The following PTPRH variants were observed in gnomAD, a reference collection of about 807,000 sequenced individuals.
PTPRH encodes protein tyrosine phosphatase receptor type H, also known as receptor-type tyrosine-protein phosphatase H.
A neutral mutation model predicts 130.2 loss-of-function variants in PTPRH; 113 were observed. The observed-to-expected ratio is 0.87, with a 90% CI of 0.75 to 1.01. PTPRH has a LOEUF of 1.01. PTPRH is among the 50% of genes least tolerant of loss of function. The probability of loss-of-function intolerance (pLI) is 0.00; values close to 1 mark genes in which losing one functional copy is unlikely to be tolerated. For missense variants in PTPRH, 1,430 were observed against 1,425.0 expected, an observed-to-expected ratio of 1.00 and a Z score of -0.06; for synonymous variants, 556 against 577.9, an observed-to-expected ratio of 0.96 and a Z score of 0.54.
intron 12 of PTPRH, 81 bp from the exon 13 acceptor site, chr19:55,188,249 A>G: frequency 8.7e-7 from 1 of 1,152,336 alleles, no homozygotes; most frequent in Non-Finnish European, 1.3e-6. Flanking sequence ...ATGGTGGCTC[A>G]CGCCTGTAAT....
intron 18 of PTPRH, among the ~76,000 whole-genome samples, chr19:55,183,276 C>G (rs1267488393): frequency 6.7e-6 from 1 of 149,062 alleles, no homozygotes; most frequent in African/African-American, 2.5e-5. Context: ...TGGTGGCGGG[C>G]GCCTGTAGTC....
In PTPRH at chr19:55,197,033, A is replaced by G. The variant is rs1600041192; in HGVS notation, c.1990+84T>C. 8 of 1,507,036 alleles carry G rather than the reference A, an allele frequency of 5.3e-6. No homozygotes were observed. The East Asian group carries it at 1.9e-4, about 35-fold the overall frequency. 93.4% of individuals were successfully genotyped at this position (1,507,036 alleles called of 1,614,324 possible). On this transcript the variant is annotated intron_variant, in intron 9 of 19. Coordinates refer to ENST00000376350, the MANE Select transcript of PTPRH (RefSeq NM_002842.5). ...AAGTCATGGCCTGTGGCCTGATGGA[A>G]TTTGTATTCCATTCATCTCTCAGCT...
Position 55,194,046 on chromosome 19 carries a change from C to T in PTPRH, c.2258-2305G>A, listed in dbSNP as rs539872425. The stretch of plus-strand genomic sequence containing the variant: ...TGTATTTTTAGTAGAGACAGGGTTT[C>T]TCCATGTTCGTCAGGCTGGTCTCGA... On this transcript the variant is annotated intron_variant, in intron 10 of 19. Transcript: ENST00000376350. 8 of 669,022 alleles carry T rather than the reference C, an allele frequency of 1.2e-5. No individual in the cohort carries two copies. The South Asian group carries it at 1.4e-4, about 12-fold the overall frequency. 41.4% of individuals were successfully genotyped at this position (669,022 alleles called of 1,614,324 possible).
chr19:55,203,686 T>C (rs574402212), intron 5 of PTPRH, 96 bp downstream of exon 5: 242 of 1,408,458 alleles, frequency 1.7e-4, no homozygotes, highest in Non-Finnish European at 2.1e-4. Context: ...GTGTTTCTAT[T>C]GGACTAAAGA....
At chr19:55,183,495 A>C (rs888331278) in intron 18 of PTPRH, among the ~76,000 whole-genome samples, 5 of 151,638 alleles carry the variant, frequency 3.3e-5, no homozygotes, top group Admixed American at 3.3e-4. Context: ...AGGCTGAAGC[A>C]GGCGGATCAC....
Position 55,202,276 on chromosome 19 carries a change from G to C in PTPRH, c.933C>G (p.Ser311Arg). 1 of 1,614,234 alleles carries C rather than the reference G, an allele frequency of 6.2e-7. No individual in the cohort carries two copies. The highest frequency in any genetic ancestry group is 1.1e-5 in the South Asian group (1 of 91,086). The stretch of plus-strand genomic sequence containing the variant: ...GGACCTCCCAGGTCAGGGCGATGGA[G>C]CTGTTGGTCTGAGCCTCCACTGTCA... ...RNLTVEAQTNSSIALTWEVPD... is the reference protein window; with the variant it reads ...RNLTVEAQTNRSIALTWEVPD... Residue 311 changes from serine to arginine, a missense_variant, in exon 6 of 20, where the codon AGC becomes AGG. Coordinates refer to ENST00000376350, the MANE Select transcript of PTPRH (RefSeq NM_002842.5).
At chr19:55,187,142 G>A (rs1440573180) in intron 14 of PTPRH, among the ~76,000 whole-genome samples, 54 of 150,624 alleles carry the variant, frequency 3.6e-4, no homozygotes, top group East Asian at 3.0e-3. Context: ...TCAGGAGATC[G>A]AGACCATCCT....
chr19:55,194,088 G>T, intron 10 of PTPRH: 4 of 1,139,972 alleles, frequency 3.5e-6, no homozygotes, highest in East Asian at 6.0e-5. Flanking sequence ...AACCACAGGT[G>T]ATCCTCCCGC....
Position 55,188,078 on chromosome 19 carries a change from C to A in PTPRH, c.2475G>T (p.Gln825His). The change falls in exon 13 of 20, where the codon CAG becomes CAT. Residue 825 changes from glutamine (Q) to histidine (H), a missense_variant and splice_region_variant. Coordinates refer to ENST00000376350, the MANE Select transcript of PTPRH (RefSeq NM_002842.5). Reference protein sequence around the residue: ...DSNCGFADEYQQLSLVGHSQS... With the variant: ...DSNCGFADEYHQLSLVGHSQS... ...CTCAGCCCCTCTGTCCTCTCCCCAC[C>A]TGGTACTCGTCTGCAAAACCACAGT... 1.2e-6 allele frequency: 2 copies of A among 1,613,574 alleles called. No individual in the cohort carries two copies. Among genetic ancestry groups the A allele is most frequent in the Non-Finnish European group, 1.7e-6 (2 of 1,179,516 alleles).
chr19:55,197,438 C>T, intron 8 of PTPRH, 22 bp from the exon 9 acceptor site: 1 of 1,598,948 alleles, frequency 6.3e-7, no homozygotes, highest in Non-Finnish European at 8.6e-7. Context: ...GAACAGAGGC[C>T]TAAGGGGGTA....
chr19:55,209,454 A>T lies in PTPRH; in HGVS notation c.-21T>A. 6.5e-7 allele frequency: 1 copy of T among 1,527,178 alleles called. No individual in the cohort carries two copies. The highest frequency in any genetic ancestry group is 8.9e-7 in the Non-Finnish European group (1 of 1,123,928). 94.6% of individuals were successfully genotyped at this position (1,527,178 alleles called of 1,614,324 possible). ...GCCATGCCTCCAGACACTGCCGGGGACCCAGGAGTCCCAGGCCTAGTCCTT... is the reference window on the plus strand; with the variant it reads ...GCCATGCCTCCAGACACTGCCGGGGTCCCAGGAGTCCCAGGCCTAGTCCTT... On this transcript the variant is annotated 5_prime_UTR_variant, in exon 1 of 20. Transcript: ENST00000376350. This position sits in a 1 kb window ranked among gnomAD's most constrained non-coding sequence, Gnocchi z 4.1.
In PTPRH at chr19:55,196,710, T is replaced by TG. The variant is rs759051884; in HGVS notation, c.2068dup (p.Gln690ProfsTer8). 6.2e-7 allele frequency: 1 copy of TG among 1,614,026 alleles called. No homozygotes were observed. Among genetic ancestry groups the TG allele is most frequent in the Non-Finnish European group, 8.5e-7 (1 of 1,180,006 alleles). ...CAACTCAAAGGCCTCGTAGCCTCCC[T>TG]GGGGGCAGGACCAGATCAAGTTGAC... On this transcript the variant is annotated frameshift_variant, in exon 10 of 20. Transcript: ENST00000376350. LOFTEE classifies it high-confidence loss of function.
intron 6 of PTPRH, among the ~76,000 whole-genome samples, chr19:55,201,229 TAGTC>T (rs1758158148): frequency 1.3e-5 from 2 of 151,700 alleles, no homozygotes; most frequent in East Asian, 3.9e-4. Context: ...AAAAATAAAT[TAGTC>T]AGGCATGGTG....
At chr19:55,190,242 T>C (rs980445999) in intron 12 of PTPRH, among the ~76,000 whole-genome samples, 3 of 150,744 alleles carry the variant, frequency 2.0e-5, no homozygotes, top group Non-Finnish European at 4.4e-5. Flanking sequence ...TGGTGGTGCA[T>C]GCCTGTATTC....
intron 4 of PTPRH, among the ~76,000 whole-genome samples, chr19:55,204,620 T>C (rs1354191018): frequency 6.6e-6 from 1 of 150,520 alleles, no homozygotes; most frequent in Non-Finnish European, 1.5e-5. Context: ...CCAGTGTCAC[T>C]TGCCAATGTA....
Position 55,189,509 on chromosome 19 carries a change from G to T in PTPRH, c.2385-1341C>A, listed in dbSNP as rs7247378. On this transcript the variant is annotated intron_variant, in intron 12 of 19. Transcript: ENST00000376350. The stretch of plus-strand genomic sequence containing the variant: ...TTCCTCACTCTGCTCAGTCGGAGAC[G>T]CACGATGTTCTCTGAACCTCACGTG... Among the ~76,000 whole-genome samples, 195 of 152,170 alleles carry T rather than the reference G, an allele frequency of 1.3e-3. 2 individuals carry two copies. In the East Asian group the frequency reaches 0.032, roughly 25 times the overall value.
At position 55,196,517 on chromosome 19, in the gene PTPRH, C is replaced by T; in HGVS notation, c.2257+5G>A. 6.2e-7 allele frequency: 1 copy of T among 1,606,642 alleles called. No homozygotes were observed. Among genetic ancestry groups the T allele is most frequent in the Non-Finnish European group, 8.5e-7 (1 of 1,176,554 alleles). ...TAGCTGGCTGGCCCGCGCGGCTCCG[C>T]TCACCTGCACTCTCGGTGTGGCAGA... is the stretch of plus-strand genomic sequence containing the variant. On this transcript the variant is annotated splice_donor_5th_base_variant and intron_variant, in intron 10 of 19. Coordinates refer to ENST00000376350, the MANE Select transcript of PTPRH (RefSeq NM_002842.5).
chr19:55,182,242 G>A, intron 18 of PTPRH, 91 bp from the exon 19 acceptor site: 1 of 1,425,374 alleles, frequency 7.0e-7, no homozygotes, highest in Middle Eastern at 2.0e-4. Context: ...TTTGAATGAT[G>A]ACAATAACTA....
rs1037996111 is a variant in PTPRH, at chr19:55,191,973, T to C, written c.2258-232A>G. ...CCCCTCTCCTACCTCCTCCTCCTCC[T>C]CCGCCTACTCAACGCGAAGACTACA... On this transcript the variant is annotated intron_variant, in intron 10 of 19. Coordinates refer to ENST00000376350, the MANE Select transcript of PTPRH (RefSeq NM_002842.5). 3 of 631,040 alleles carry C rather than the reference T, an allele frequency of 4.8e-6. 1 individual carries two copies. The Admixed American group carries it at 7.4e-5, about 16-fold the overall frequency. 39.1% of individuals were successfully genotyped at this position (631,040 alleles called of 1,614,324 possible). A position where few individuals can be genotyped will look rare whatever the true frequency, so the allele number is the denominator to read the frequency against.
Sources: allele counts gnomAD v4.1 joint callset (sites outside exome capture counted in the v4.1 genomes callset), GRCh38; gene constraint gnomAD v4.1.1; non-coding constraint Gnocchi (gnomAD v3.1); transcripts MANE v1.5; gene names NCBI Gene and HGNC (gene_info 2026-07-23, HGNC 2026-07-21).